The following HTR7 variants were observed in gnomAD, a reference collection of about 807,000 sequenced individuals.
HTR7 encodes the protein 5-hydroxytryptamine receptor 7, also known as 5-HT-7.
HTR7 carries 16 observed loss-of-function variants against 34.0 expected under a neutral mutation model. That is an observed-to-expected ratio of 0.47 (90% CI 0.32 to 0.71). HTR7 has a LOEUF of 0.71. HTR7 is among the 30% of genes least tolerant of loss of function. The pLI is 0.04. For missense variants in HTR7, 504 were observed against 625.5 expected (o/e 0.81, Z 2.07); for synonymous variants, 265 against 260.2 (o/e 1.02, Z -0.18).
intron 1 of HTR7, among the ~76,000 whole-genome samples, chr10:90,831,600 T>G (rs1846180444): frequency 6.6e-6 from 1 of 152,228 alleles, no homozygotes; most frequent in African/African-American, 2.4e-5. Flanking sequence ...TCGCGCAGCC[T>G]GCTTTTATTC....
At chr10:90,826,733 C>A (rs564357924) in intron 1 of HTR7, among the ~76,000 whole-genome samples, 2 of 151,612 alleles carry the variant, frequency 1.3e-5, no homozygotes, top group African/African-American at 4.8e-5. Context: ...CTCAGGAGAT[C>A]GAGACCATCC....
At position 90,765,545 on chromosome 10, in the gene HTR7, TTTA is replaced by T. The variant is rs1428117168; in HGVS notation, c.540-15954_540-15952del. On this transcript the variant is annotated intron_variant, in intron 1 of 3. Coordinates refer to ENST00000336152, the MANE Select transcript of HTR7 (RefSeq NM_019859.4). ...TTTCATTTTTTTTTTTGCTCTGATC[TTTA>T]TTATGTCCTTCCTCCTGCTAAATTT... Among the ~76,000 whole-genome samples, 3 of 151,966 alleles carry T rather than the reference TTTA, an allele frequency of 2.0e-5. No homozygotes were observed. The East Asian group carries it at 5.8e-4, about 29-fold the overall frequency.
intron 1 of HTR7, among the ~76,000 whole-genome samples, chr10:90,791,982 C>G (rs1229981350): frequency 1.3e-5 from 2 of 152,134 alleles, no homozygotes; most frequent in African/African-American, 4.8e-5. Context: ...AGCAGAAAAT[C>G]TTGTGGCTCA....
At chr10:90,816,817 C>T (rs1038394861) in intron 1 of HTR7, among the ~76,000 whole-genome samples, 11 of 152,148 alleles carry the variant, frequency 7.2e-5, no homozygotes, top group Admixed American at 1.3e-4. Flanking sequence ...ATGGAAGAAG[C>T]GGGCACATGA....
chr10:90,848,275 T>G (rs1846443133), intron 1 of HTR7, among the ~76,000 whole-genome samples: 1 of 152,214 alleles, frequency 6.6e-6, no homozygotes, highest in South Asian at 2.1e-4. Context: ...TTGGTCAGGC[T>G]GGTCTCGAAC....
At position 90,743,367 on chromosome 10, in the gene HTR7, G is replaced by A. The variant is rs542101390; in HGVS notation, c.1393+226C>T. Among the ~76,000 whole-genome samples the A allele has an allele frequency of 2.6e-3, 398 of 152,286 alleles. 1 individual carries two copies. Among genetic ancestry groups the A allele is most frequent in the Middle Eastern group, 0.014 (4 of 294 alleles). ...ACAATAACACCTGAGGACAAGTACT[G>A]CACTTCAGCCCAGACTCAGCACTCT... On this transcript the variant is annotated intron_variant, in intron 3 of 3. Transcript: ENST00000336152.
chr10:90,829,901 T>C (rs1407458087), intron 1 of HTR7, among the ~76,000 whole-genome samples: 1 of 152,058 alleles, frequency 6.6e-6, no homozygotes, highest in East Asian at 1.9e-4. Flanking sequence ...TACCTAGGAA[T>C]TAACCAAAGA....
At chr10:90,751,406 C>T (rs1309755241) in intron 1 of HTR7, among the ~76,000 whole-genome samples, 1 of 152,068 alleles carries the variant, frequency 6.6e-6, no homozygotes, top group Non-Finnish European at 1.5e-5. Context: ...TCCTTATTTC[C>T]CCAGCAGCCT....
At chr10:90,831,674 T>G (rs1846181663) in intron 1 of HTR7, among the ~76,000 whole-genome samples, 1 of 152,146 alleles carries the variant, frequency 6.6e-6, no homozygotes, top group Admixed American at 6.5e-5. Flanking sequence ...ATTGGTCTGT[T>G]TTACAGAGAG....
At chr10:90,790,436 C>T (rs1845445429) in intron 1 of HTR7, among the ~76,000 whole-genome samples, 1 of 152,146 alleles carries the variant, frequency 6.6e-6, no homozygotes, top group Non-Finnish European at 1.5e-5. Flanking sequence ...CTGTATATGT[C>T]TATTCACATA....
intron 2 of HTR7, 70 bp from the exon 3 acceptor site, chr10:90,743,760 A>G: frequency 6.2e-6 from 7 of 1,132,568 alleles, no homozygotes; most frequent in Non-Finnish European, 8.0e-6. Flanking sequence ...AGAATCCTTG[A>G]TTATATTTCA....
intron 1 of HTR7, among the ~76,000 whole-genome samples, chr10:90,816,114 A>C (rs956602752): frequency 6.6e-6 from 1 of 152,228 alleles, no homozygotes; most frequent in African/African-American, 2.4e-5. Context: ...CTTTCTCCCT[A>C]GGACTGCGTC....
rs761335297 is a variant in HTR7 at position 90,749,393 on chromosome 10, T to G, written c.741A>C (p.Ala247=). Residue 247 remains alanine (A), a synonymous_variant, in exon 2 of 4, where the codon GCA becomes GCC. Coordinates refer to ENST00000336152, the MANE Select transcript of HTR7 (RefSeq NM_019859.4). The surrounding 1 kb of genome is among the most constrained non-coding windows in gnomAD (Gnocchi z 4.2). The part of the protein sequence containing the change: ...FGYTIYSTAV[A]FYIPMSVMLF... The stretch of plus-strand genomic sequence containing the variant: ...GCATGACGGACATGGGGATATAAAA[T>G]GCCACTGCGGTAGAGTAAATCGTAT... The G allele has an allele frequency of 6.2e-7, 1 of 1,614,130 alleles. No individual in the cohort carries two copies. The highest frequency in any genetic ancestry group is 1.1e-5 in the South Asian group (1 of 91,084).
chr10:90,829,538 G>A lies in HTR7; in HGVS notation c.539+27595C>T, dbSNP rs527438700. 5.1e-4 allele frequency among the ~76,000 whole-genome samples: 78 copies of A among 151,970 alleles called. 1 individual carries two copies. Among genetic ancestry groups the A allele is most frequent in the South Asian group, 2.9e-3 (14 of 4,802 alleles). On this transcript the variant is annotated intron_variant, in intron 1 of 3. Coordinates refer to ENST00000336152, the MANE Select transcript of HTR7 (RefSeq NM_019859.4). ...CTCCCCTAGCCCCCCACCCTGACAG[G>A]CCCTGGTGTGTGATGTTCCCCTCCC... is the stretch of plus-strand genomic sequence containing the variant.
At chr10:90,840,897 T>C (rs1265559512) in intron 1 of HTR7, among the ~76,000 whole-genome samples, 2 of 152,238 alleles carry the variant, frequency 1.3e-5, no homozygotes, top group African/African-American at 4.8e-5. Flanking sequence ...GGACCTGAAC[T>C]CAGGTCTGTT....
At chr10:90,847,056 C>T (rs932716375) in intron 1 of HTR7, among the ~76,000 whole-genome samples, 1 of 152,144 alleles carries the variant, frequency 6.6e-6, no homozygotes, top group Non-Finnish European at 1.5e-5. Context: ...TATTATTTTC[C>T]TTAGATATAT....
In HTR7 at chr10:90,809,375, A is replaced by G. The variant is rs1845763675; in HGVS notation, c.539+47758T>C. On this transcript the variant is annotated intron_variant, in intron 1 of 3. Coordinates refer to ENST00000336152, the MANE Select transcript of HTR7 (RefSeq NM_019859.4). The stretch of plus-strand genomic sequence containing the variant: ...ATATAAAAATCCAGCCCAGTTCATG[A>G]CTCGTTTGGCAGCAACCCTGAGACT... Among the ~76,000 whole-genome samples, 5 of 151,982 alleles carry G rather than the reference A, an allele frequency of 3.3e-5. No homozygotes were observed. The South Asian group carries it at 1.0e-3, about 32-fold the overall frequency.
chr10:90,796,547 G>T (rs1226643876), intron 1 of HTR7, among the ~76,000 whole-genome samples: 5 of 152,164 alleles, frequency 3.3e-5, no homozygotes, highest in African/African-American at 1.2e-4. Context: ...AATATAGCCA[G>T]ACCCTGTCTC....
chr10:90,814,705 G>A (rs770230188), intron 1 of HTR7, among the ~76,000 whole-genome samples: 9 of 152,280 alleles, frequency 5.9e-5, no homozygotes, highest in Middle Eastern at 3.4e-3. Context: ...GAAATTAAAC[G>A]AATAAAATAG....
Sources: allele counts gnomAD v4.1 joint callset (sites outside exome capture counted in the v4.1 genomes callset), GRCh38; gene constraint gnomAD v4.1.1; non-coding constraint Gnocchi (gnomAD v3.1); transcripts MANE v1.5; gene names NCBI Gene and HGNC (gene_info 2026-07-23, HGNC 2026-07-21).